CEP83: variants seen among roughly 807,000 people sequenced by gnomAD.
The protein encoded by CEP83 is centrosomal protein 83.
CEP83 carries 70 observed loss-of-function variants against 101.9 expected under a neutral mutation model. That is an observed-to-expected ratio of 0.69 (90% CI 0.57 to 0.84). The LOEUF (loss-of-function observed/expected upper bound fraction) is 0.84, where lower values mean the gene tolerates loss of function less well. Ranked by LOEUF, CEP83 falls within the 40% of genes least tolerant of loss-of-function variation. The pLI, the probability that CEP83 is intolerant of heterozygous loss-of-function variation, is 0.00. For missense variants in CEP83, 715 were observed against 787.2 expected, an observed-to-expected ratio of 0.91 and a Z score of 1.10; for synonymous variants, 264 against 267.9, an observed-to-expected ratio of 0.99 and a Z score of 0.14.
At chr12:94,268,970 A>C in the CEP83 span, among the ~76,000 whole-genome samples, 2 of 152,068 alleles carry the variant, frequency 1.3e-5, no homozygotes, top group Non-Finnish European at 2.9e-5. Flanking sequence ...TTGTTGATGG[A>C]GTATCTCAGA....
chr12:94,451,287 T>C (rs1382654666), intron 1 of CEP83, among the ~76,000 whole-genome samples: 3 of 152,048 alleles, frequency 2.0e-5, no homozygotes, highest in African/African-American at 7.2e-5. Context: ...TGAAAGTACG[T>C]GCCACACACA....
the CEP83 span, among the ~76,000 whole-genome samples, chr12:94,270,557 T>C: frequency 6.6e-6 from 1 of 152,080 alleles, no homozygotes; most frequent in Non-Finnish European, 1.5e-5. Flanking sequence ...AGTCTGAAAC[T>C]CATGGGGCTC....
intron 2 of CEP83, among the ~76,000 whole-genome samples, chr12:94,417,703 G>A (rs900372453): frequency 6.6e-6 from 1 of 151,604 alleles, no homozygotes; most frequent in Non-Finnish European, 1.5e-5. Context: ...GCAGGAGAAC[G>A]CTTGAACCCA....
chr12:94,412,332 C>T lies in CEP83; in HGVS notation c.159G>A (p.Lys53=), dbSNP rs755939868. The change falls in exon 3 of 17, where the codon AAG becomes AAA. Residue 53 remains lysine, a synonymous_variant. Coordinates refer to ENST00000397809, the MANE Select transcript of CEP83 (RefSeq NM_016122.3). ...EHHKANYQTL[K]AEHTRLQNEH... is the part of the protein sequence containing the mutation. The stretch of plus-strand genomic sequence containing the variant: ...AAGTAATTTACCTTGTGTGTTCAGC[C>T]TTCAGTGTCTGATAATTAGCTTTAT... The T allele has an allele frequency of 5.0e-6, 8 of 1,607,532 alleles. No homozygotes were observed. Among genetic ancestry groups the T allele is most frequent in the Non-Finnish European group, 6.8e-6 (8 of 1,177,720 alleles).
intron 14 of CEP83, among the ~76,000 whole-genome samples, chr12:94,327,223 AAT>A (rs1049638959): frequency 3.5e-4 from 53 of 152,224 alleles, no homozygotes; most frequent in African/African-American, 1.2e-3. Context: ...CAATTAAAAC[AAT>A]ATAGATATAA....
the CEP83 span, among the ~76,000 whole-genome samples, chr12:94,274,560 A>G: frequency 6.6e-6 from 1 of 152,190 alleles, no homozygotes; most frequent in African/African-American, 2.4e-5. Flanking sequence ...CTGCCAAGGA[A>G]ATAGGAAGAG....
chr12:94,370,124 G>T, intron 8 of CEP83, 88 bp from the exon 9 acceptor site: 2 of 736,908 alleles, frequency 2.7e-6, no homozygotes, highest in Non-Finnish European at 4.7e-6. Context: ...ACAAGAAAAC[G>T]CTCTGGTAGT....
intron 14 of CEP83, among the ~76,000 whole-genome samples, chr12:94,314,445 G>A (rs1296019373): frequency 6.6e-6 from 1 of 152,098 alleles, no homozygotes; most frequent in East Asian, 1.9e-4. Flanking sequence ...GCCTATTTTT[G>A]AACCTCATAT....
chr12:94,409,829 C>T (rs538177471), intron 4 of CEP83, among the ~76,000 whole-genome samples: 11 of 152,224 alleles, frequency 7.2e-5, no homozygotes, highest in Admixed American at 6.5e-4. Context: ...CTCTCTACCC[C>T]ATCTGTCTCC....
intron 8 of CEP83, among the ~76,000 whole-genome samples, chr12:94,371,867 G>T (rs570395610): frequency 3.3e-5 from 5 of 152,274 alleles, no homozygotes; most frequent in Admixed American, 3.3e-4. Flanking sequence ...AGTGAGTACT[G>T]CCTTATGTAC....
chr12:94,437,675 C>T (rs547035854), intron 1 of CEP83, among the ~76,000 whole-genome samples: 6 of 152,202 alleles, frequency 3.9e-5, no homozygotes, highest in East Asian at 3.9e-4. Context: ...TTCATACAAA[C>T]GAATGCTCAG....
chr12:94,329,403 A>C (rs1398568691), intron 14 of CEP83, among the ~76,000 whole-genome samples: 1 of 152,116 alleles, frequency 6.6e-6, no homozygotes, highest in African/African-American at 2.4e-5. Context: ...AGTAGCTGGG[A>C]CTACAAGCAT....
chr12:94,351,731 G>A (rs1264674953), intron 11 of CEP83, among the ~76,000 whole-genome samples: 2 of 152,112 alleles, frequency 1.3e-5, no homozygotes, highest in African/African-American at 4.8e-5. Context: ...CCACATACCT[G>A]TAGGGACCAA....
intron 15 of CEP83, among the ~76,000 whole-genome samples, chr12:94,311,796 T>C (rs188642757): frequency 1.3e-5 from 2 of 152,174 alleles, no homozygotes; most frequent in Non-Finnish European, 2.9e-5. Context: ...CATCCAGTAA[T>C]CAAATATAAT....
At chr12:94,351,111 A>C (rs2060177719) in intron 11 of CEP83, among the ~76,000 whole-genome samples, 1 of 152,214 alleles carries the variant, frequency 6.6e-6, no homozygotes, top group Admixed American at 6.5e-5. Flanking sequence ...TGGAGACTTG[A>C]GATGGCAGCA....
rs59339712 is a variant in CEP83 at position 94,416,573 on chromosome 12, CAAA to C, written c.-101-3985_-101-3983del. ...CCATACACACACACACACACACACA[CAAA>C]AAAAAAAAAACTGTAGTTCCACCCC... On this transcript the variant is annotated intron_variant, in intron 2 of 16. Coordinates refer to ENST00000397809, the MANE Select transcript of CEP83 (RefSeq NM_016122.3). 5.7e-4 allele frequency among the ~76,000 whole-genome samples: 85 copies of C among 148,050 alleles called. 1 individual carries two copies. Among genetic ancestry groups the C allele is most frequent in the Middle Eastern group, 7.0e-3 (2 of 286 alleles).
At chr12:94,320,371 T>C (rs1297169685) in intron 14 of CEP83, among the ~76,000 whole-genome samples, 3 of 152,216 alleles carry the variant, frequency 2.0e-5, no homozygotes, top group South Asian at 2.1e-4. Flanking sequence ...ATGTGTGGAT[T>C]TGATCCTGTC....
chr12:94,429,570 C>T (rs1772573135), intron 2 of CEP83, among the ~76,000 whole-genome samples: 1 of 152,196 alleles, frequency 6.6e-6, no homozygotes, highest in Non-Finnish European at 1.5e-5. Context: ...CCCACAGCTA[C>T]CACCATGCCT....
intron 6 of CEP83, among the ~76,000 whole-genome samples, chr12:94,393,373 A>C (rs1332060786): frequency 2.2e-4 from 33 of 152,202 alleles, no homozygotes; most frequent in Non-Finnish European, 5.9e-5. Context: ...AAAGACAAAA[A>C]CCACATGATT....
Sources: allele counts gnomAD v4.1 joint callset (sites outside exome capture counted in the v4.1 genomes callset), GRCh38; gene constraint gnomAD v4.1.1; transcripts MANE v1.5; gene names NCBI Gene and HGNC (gene_info 2026-07-23, HGNC 2026-07-21).